BMPR2: variants seen among roughly 807,000 people sequenced by gnomAD.
BMPR2 encodes the protein bone morphogenetic protein receptor type-2.
A neutral mutation model predicts 100.8 loss-of-function variants in BMPR2; 29 were observed. The observed-to-expected ratio is 0.29, with a 90% CI of 0.21 to 0.39. BMPR2 has a LOEUF of 0.39. Among genes scored for constraint, BMPR2 ranks in the 10% least tolerant of loss-of-function variants. The pLI is 1.00. For synonymous variants in BMPR2, 382 were observed against 442.3 expected, an observed-to-expected ratio of 0.86 and a Z score of 1.71; for missense variants, 1,011 against 1,274.5, an observed-to-expected ratio of 0.79 and a Z score of 3.15.
intron 9 of BMPR2, among the ~76,000 whole-genome samples, chr2:202,540,146 C>G (rs1688244844): frequency 6.6e-6 from 1 of 151,856 alleles, no homozygotes; most frequent in Admixed American, 6.6e-5. Context: ...CTTCAATTTC[C>G]TTTAGCAACT....
intron 1 of BMPR2, among the ~76,000 whole-genome samples, chr2:202,402,564 G>A (rs1396370182): frequency 2.6e-5 from 4 of 151,690 alleles, no homozygotes; most frequent in Non-Finnish European, 5.9e-5. Flanking sequence ...TTTAAGCCTT[G>A]AATGCTCTCT....
intron 10 of BMPR2, among the ~76,000 whole-genome samples, chr2:202,551,841 T>A (rs1461100931): frequency 6.7e-6 from 1 of 149,628 alleles, no homozygotes; most frequent in Non-Finnish European, 1.5e-5. Flanking sequence ...GGACTACAGA[T>A]GCATACCACC....
Position 202,563,762 on chromosome 2 carries a change from G to A in BMPR2, c.*3816G>A, listed in dbSNP as rs1056880209. Reference sequence around the variant, plus strand: ...AATTGATTCCATAGCAGATTTGGGGGAATTAACAAAGAATTTCAGTCTCAT... The same window carrying A: ...AATTGATTCCATAGCAGATTTGGGGAAATTAACAAAGAATTTCAGTCTCAT... On this transcript the variant is annotated 3_prime_UTR_variant, in exon 13 of 13. Coordinates refer to ENST00000374580, the MANE Select transcript of BMPR2 (RefSeq NM_001204.7). The A allele has an allele frequency of 6.0e-5, 9 of 149,592 alleles. No homozygotes were observed. Among genetic ancestry groups the A allele is most frequent in the African/African-American group, 2.2e-4 (9 of 41,348 alleles). The allele number at this position is 149,592 out of a possible 1,614,324, so 9.3% of individuals were successfully genotyped here. A position where few individuals can be genotyped will look rare whatever the true frequency, so the allele number is the denominator to read the frequency against.
chr2:202,511,367 A>G (rs188798552), intron 3 of BMPR2, among the ~76,000 whole-genome samples: 11 of 152,318 alleles, frequency 7.2e-5, no homozygotes, highest in Admixed American at 7.2e-4. Context: ...TGATGCTGTG[A>G]ACATGCATGT....
rs1485367628 is a variant in BMPR2 at position 202,441,696 on chromosome 2, C to T, written c.77-23113C>T. Among the ~76,000 whole-genome samples, 118 of 93,296 alleles carry T rather than the reference C, an allele frequency of 1.3e-3. 3 individuals carry two copies. The highest frequency in any genetic ancestry group is 4.8e-3 in the African/African-American group (102 of 21,352). The allele number at this position is 93,296 out of a possible 152,430, so 61.2% of individuals were successfully genotyped here. A position where few individuals can be genotyped will look rare whatever the true frequency, so the allele number is the denominator to read the frequency against. On this transcript the variant is annotated intron_variant, in intron 1 of 12. Transcript: ENST00000374580. ...TTGCGCCACTGCACTCCAGCCTGGG[C>T]GACAGAGCAAGACTCCGTCTCAAAA...
chr2:202,529,009 T>C (rs891805634), intron 7 of BMPR2, among the ~76,000 whole-genome samples: 2 of 152,230 alleles, frequency 1.3e-5, no homozygotes, highest in East Asian at 1.9e-4. Flanking sequence ...ATTGAACCTA[T>C]TTATTTATTT....
intron 3 of BMPR2, among the ~76,000 whole-genome samples, chr2:202,499,573 T>G (rs775041450): frequency 1.4e-4 from 21 of 152,032 alleles, no homozygotes; most frequent in Non-Finnish European, 2.4e-4. Context: ...AGGAAGAAAA[T>G]CCTTCTGCCT....
In BMPR2 at chr2:202,525,306, G is replaced by A. The variant is rs139791647; in HGVS notation, c.967+5105G>A. Reference sequence around the variant, plus strand: ...AGTTCACTGCAACCTCTGCCTCCCTGGTTCAAGCAATTCTCCTGCCTCAGT... The same window carrying A: ...AGTTCACTGCAACCTCTGCCTCCCTAGTTCAAGCAATTCTCCTGCCTCAGT... On this transcript the variant is annotated intron_variant, in intron 7 of 12. Transcript: ENST00000374580. Among the ~76,000 whole-genome samples the A allele has an allele frequency of 4.4e-3, 662 of 152,016 alleles. 3 individuals are homozygous for A. The highest frequency in any genetic ancestry group is 0.014 in the African/African-American group (598 of 41,456).
intron 3 of BMPR2, among the ~76,000 whole-genome samples, chr2:202,499,665 A>T (rs1377093593): frequency 6.6e-6 from 1 of 152,200 alleles, no homozygotes; most frequent in Non-Finnish European, 1.5e-5. Flanking sequence ...ATTCTAAAAG[A>T]TAAGTTTATT....
intron 1 of BMPR2, among the ~76,000 whole-genome samples, chr2:202,422,941 G>A (rs1042572757): frequency 6.6e-6 from 1 of 152,184 alleles, no homozygotes; most frequent in Non-Finnish European, 1.5e-5. Context: ...GCCTCCCAAA[G>A]TGCTGGGATT....
At chr2:202,535,144 ACCTC>A (rs1237775341) in intron 9 of BMPR2, among the ~76,000 whole-genome samples, 16 of 89,098 alleles carry the variant, frequency 1.8e-4, no homozygotes, top group Non-Finnish European at 2.4e-4. Context: ...TGACCCCCCC[ACCTC>A]CCTCCCGGAT....
At position 202,519,067 on chromosome 2, in the gene BMPR2, G is replaced by A. The variant is rs1177228805; in HGVS notation, c.852+15G>A. 1 of 1,611,492 alleles carries A rather than the reference G, an allele frequency of 6.2e-7. No individual in the cohort carries two copies. Among genetic ancestry groups the A allele is most frequent in the Non-Finnish European group, 8.5e-7 (1 of 1,177,986 alleles). ...ACTATCCCAATGTAAGTTCTTCATAGAAAATAAACTGAGGCCAGGTGTGGT... is the reference window on the plus strand; with the variant it reads ...ACTATCCCAATGTAAGTTCTTCATAAAAAATAAACTGAGGCCAGGTGTGGT... On this transcript the variant is annotated intron_variant, in intron 6 of 12. Transcript: ENST00000374580.
chr2:202,393,933 G>GAGAGAGAGAGAGAGAGAT (rs1690608813), intron 1 of BMPR2, among the ~76,000 whole-genome samples: 1 of 121,680 alleles, frequency 8.2e-6, no homozygotes, highest in Non-Finnish European at 1.8e-5. Flanking sequence ...GAGAGAGAGA[G>GAGAGAGAGAGAGAGAGAT]ATTCCTGTGA....
chr2:202,564,072 A>C lies in BMPR2; in HGVS notation c.*4126A>C, dbSNP rs1688716703. The C allele has an allele frequency of 6.6e-6, 1 of 152,178 alleles. No individual in the cohort carries two copies. The highest frequency in any genetic ancestry group is 1.5e-5 in the Non-Finnish European group (1 of 68,020). 9.4% of individuals were successfully genotyped at this position (152,178 alleles called of 1,614,324 possible). A position where few individuals can be genotyped will look rare whatever the true frequency, so the allele number is the denominator to read the frequency against. ...AGTATTTTTATTTAAATTATTTTCA[A>C]ATTTGACTTCTACAGCCAAGTGGAA... On this transcript the variant is annotated 3_prime_UTR_variant, in exon 13 of 13. Coordinates refer to ENST00000374580, the MANE Select transcript of BMPR2 (RefSeq NM_001204.7).
intron 1 of BMPR2, among the ~76,000 whole-genome samples, chr2:202,408,565 G>A (rs1253570188): frequency 6.6e-6 from 1 of 152,182 alleles, no homozygotes; most frequent in African/African-American, 2.4e-5. Flanking sequence ...TTAGATAAAA[G>A]TACATAAAGC....
At chr2:202,504,130 C>T (rs563684098) in intron 3 of BMPR2, among the ~76,000 whole-genome samples, 9 of 152,208 alleles carry the variant, frequency 5.9e-5, no homozygotes, top group South Asian at 2.1e-4. Context: ...ACAGACCACT[C>T]GGCTCTACCA....
intron 1 of BMPR2, among the ~76,000 whole-genome samples, chr2:202,398,878 C>T (rs2105908964): frequency 6.6e-6 from 1 of 152,274 alleles, no homozygotes; most frequent in East Asian, 1.9e-4. Context: ...CCTGTAATCC[C>T]AGCACTTTGG....
intron 1 of BMPR2, among the ~76,000 whole-genome samples, chr2:202,419,778 G>T (rs1234124778): frequency 6.6e-6 from 1 of 152,086 alleles, no homozygotes; most frequent in Non-Finnish European, 1.5e-5. Context: ...GCGTCTTGTT[G>T]ATTCTTTAGC....
At chr2:202,403,705 C>T (rs1322424230) in intron 1 of BMPR2, among the ~76,000 whole-genome samples, 1 of 152,118 alleles carries the variant, frequency 6.6e-6, no homozygotes, top group African/African-American at 2.4e-5. Context: ...TGGATGTACA[C>T]TCACTTAAGA....
Sources: gnomAD v4.1 joint callset for allele counts (sites outside exome capture counted in the v4.1 genomes callset) on GRCh38, gnomAD v4.1.1 for gene constraint, MANE v1.5 for transcripts, NCBI Gene and HGNC (gene_info 2026-07-23, HGNC 2026-07-21) for gene names.